Variants in LINGO2 observed in about 807,000 individuals in gnomAD.
The protein encoded by LINGO2 is leucine rich repeat and Ig domain containing 2, also known as leucine-rich repeat and immunoglobulin-like domain-containing nogo receptor-interacting protein 2.
In LINGO2, 14 loss-of-function variants were observed where a neutral mutation model predicts 30.6. The observed-to-expected ratio is 0.46, with a 90% CI of 0.30 to 0.72. LINGO2 has a LOEUF of 0.72. Ranked by LOEUF, LINGO2 falls within the 30% of genes least tolerant of loss-of-function variation. The pLI, the probability that LINGO2 is intolerant of heterozygous loss-of-function variation, is 0.07. For synonymous variants in LINGO2, 317 were observed against 288.5 expected, an observed-to-expected ratio of 1.10 and a Z score of -1.00; for missense variants, 729 against 751.7, an observed-to-expected ratio of 0.97 and a Z score of 0.35.
chr9:29,169,967 C>A, the LINGO2 span, among the ~76,000 whole-genome samples: 25 of 149,582 alleles, frequency 1.7e-4, no homozygotes, highest in Middle Eastern at 3.4e-3. Context: ...TGCACTCCAG[C>A]CTGGGACAGA....
the LINGO2 span, among the ~76,000 whole-genome samples, chr9:29,094,654 T>A: frequency 7.2e-6 from 1 of 138,916 alleles, no homozygotes; most frequent in South Asian, 2.2e-4. Flanking sequence ...AAATATAAAC[T>A]GGATTTTAGT....
chr9:28,305,572 C>T (rs1053307309), intron 3 of LINGO2, among the ~76,000 whole-genome samples: 1 of 151,726 alleles, frequency 6.6e-6, no homozygotes, highest in Non-Finnish European at 1.5e-5. Context: ...AGTCTAGCAA[C>T]AAAACATTAG....
intron 4 of LINGO2, among the ~76,000 whole-genome samples, chr9:28,207,268 C>T (rs1820440685): frequency 6.6e-6 from 1 of 152,092 alleles, no homozygotes; most frequent in Non-Finnish European, 1.5e-5. Flanking sequence ...CAATTTCCCA[C>T]TGTAAACATA....
At chr9:29,124,411 T>C in the LINGO2 span, among the ~76,000 whole-genome samples, 5 of 152,100 alleles carry the variant, frequency 3.3e-5, no homozygotes, top group Non-Finnish European at 5.9e-5. Context: ...AACTGTCAGA[T>C]TGGATCTAAT....
intron 5 of LINGO2, among the ~76,000 whole-genome samples, chr9:28,003,324 C>CATATACAT (rs1822058341): frequency 1.4e-5 from 2 of 141,906 alleles, no homozygotes; most frequent in African/African-American, 5.3e-5. Context: ...TTTTGTTAAC[C>CATATACAT]ATATAGATAT....
the LINGO2 span, among the ~76,000 whole-genome samples, chr9:29,036,703 T>C: frequency 1.3e-5 from 2 of 152,010 alleles, no homozygotes; most frequent in Admixed American, 1.3e-4. Flanking sequence ...AGAAAAAATA[T>C]GCCTTTTTAT....
chr9:28,241,279 A>AG (rs1251396551), intron 4 of LINGO2, among the ~76,000 whole-genome samples: 4 of 53,500 alleles, frequency 7.5e-5, no homozygotes, highest in Admixed American at 2.5e-4. Context: ...AAAAAAAAAA[A>AG]AAAAAAAAAA....
At chr9:28,468,122 A>G (rs1015470766) in intron 2 of LINGO2, among the ~76,000 whole-genome samples, 12 of 152,210 alleles carry the variant, frequency 7.9e-5, no homozygotes, top group Non-Finnish European at 1.8e-4. Flanking sequence ...AGTATATCTG[A>G]TAGTCAAAAA....
the LINGO2 span, among the ~76,000 whole-genome samples, chr9:29,072,509 TTTAA>T: frequency 6.6e-6 from 1 of 151,568 alleles, no homozygotes; most frequent in Non-Finnish European, 1.5e-5. Flanking sequence ...AATAAAGCTG[TTTAA>T]TTATATGTGT....
intron 4 of LINGO2, among the ~76,000 whole-genome samples, chr9:28,149,675 T>C (rs1827933558): frequency 6.7e-6 from 1 of 149,090 alleles, no homozygotes; most frequent in African/African-American, 2.5e-5. Context: ...CCCCTTACAC[T>C]CTGGGAAGTG....
the LINGO2 span, among the ~76,000 whole-genome samples, chr9:28,931,625 T>C: frequency 6.6e-6 from 1 of 152,230 alleles, no homozygotes; most frequent in Non-Finnish European, 1.5e-5. Flanking sequence ...TCTCTTTTCA[T>C]AGAGGCATCG....
At chr9:29,179,432 T>C in the LINGO2 span, among the ~76,000 whole-genome samples, 1 of 151,732 alleles carries the variant, frequency 6.6e-6, no homozygotes, top group Non-Finnish European at 1.5e-5. Flanking sequence ...TGAGACAGAG[T>C]CTCACTCTGT....
intron 1 of LINGO2, among the ~76,000 whole-genome samples, chr9:28,650,530 C>T (rs1025673081): frequency 6.6e-6 from 1 of 152,096 alleles, no homozygotes; most frequent in African/African-American, 2.4e-5. Flanking sequence ...CAAATAAAGT[C>T]CTCACTTCCC....
the LINGO2 span, among the ~76,000 whole-genome samples, chr9:29,013,245 T>C: frequency 6.6e-6 from 1 of 152,164 alleles, no homozygotes; most frequent in Non-Finnish European, 1.5e-5. Context: ...TTCAGACCTC[T>C]TGGGAAGTTT....
chr9:28,164,864 T>C (rs1256736622), intron 4 of LINGO2, among the ~76,000 whole-genome samples: 1 of 152,190 alleles, frequency 6.6e-6, no homozygotes, highest in Non-Finnish European at 1.5e-5. Context: ...TTGCTTCCTA[T>C]GTCTTACTTT....
At chr9:28,734,160 ATAT>A in the LINGO2 span, among the ~76,000 whole-genome samples, 1 of 152,166 alleles carries the variant, frequency 6.6e-6, no homozygotes, top group Non-Finnish European at 1.5e-5. Flanking sequence ...TATTAGTAAA[ATAT>A]TATTAAATAA....
intron 2 of LINGO2, among the ~76,000 whole-genome samples, chr9:28,448,100 G>C (rs1457666270): frequency 1.3e-5 from 2 of 152,094 alleles, no homozygotes; most frequent in African/African-American, 4.8e-5. Context: ...TGCAGGGAGA[G>C]AGACAGCTAG....
chr9:28,589,706 C>T (rs1252340564), intron 1 of LINGO2, among the ~76,000 whole-genome samples: 1 of 151,764 alleles, frequency 6.6e-6, no homozygotes, highest in Non-Finnish European at 1.5e-5. Context: ...GAATCAATAT[C>T]GTGAAAATGG....
chr9:28,394,931 G>A (rs567643745), intron 2 of LINGO2, among the ~76,000 whole-genome samples: 6 of 152,270 alleles, frequency 3.9e-5, no homozygotes, highest in African/African-American at 1.2e-4. Flanking sequence ...TCATTACAAG[G>A]TAGAAAAGAT....
Sources: allele counts gnomAD v4.1 joint callset (sites outside exome capture counted in the v4.1 genomes callset), GRCh38; gene constraint gnomAD v4.1.1; transcripts MANE v1.5; gene names NCBI Gene and HGNC (gene_info 2026-07-23, HGNC 2026-07-21).